RANBP2: variants seen among roughly 807,000 people sequenced by gnomAD.
RANBP2 encodes RAN binding protein 2.
Under a neutral mutation model 303.6 loss-of-function variants are expected in RANBP2, and 57 were observed. That is an observed-to-expected ratio of 0.19 (90% CI 0.15 to 0.23). The LOEUF (loss-of-function observed/expected upper bound fraction) is 0.23. Ranked by LOEUF, RANBP2 falls within the 10% of genes least tolerant of loss-of-function variation. The pLI is 1.00. For synonymous variants in RANBP2, 1,167 were observed against 1,301.5 expected (o/e 0.90, Z 2.23); for missense variants, 3,138 against 3,780.8 (o/e 0.83, Z 4.46).
chr2:109,170,644 C>A, the RANBP2 span, among the ~76,000 whole-genome samples: 1 of 152,194 alleles, frequency 6.6e-6, no homozygotes, highest in African/African-American at 2.4e-5. Context: ...GCCACTGTGC[C>A]TGGTCAAACA....
At chr2:109,422,673 T>C in the RANBP2 span, among the ~76,000 whole-genome samples, 3 of 152,152 alleles carry the variant, frequency 2.0e-5, no homozygotes, top group African/African-American at 7.2e-5. Flanking sequence ...AGCAGAAATA[T>C]GATTGTCTGC....
Position 108,772,879 on chromosome 2 carries a change from G to C in RANBP2, c.8125G>C (p.Glu2709Gln). ...LEENTADNEKECIIVWEKKPT... is the reference protein window; with the variant it reads ...LEENTADNEKQCIIVWEKKPT... ...TACTGATTTTTCAGATAATGAGAAA[G>C]AATGTATTATTGTTTGGGAAAAGAA... The change falls in exon 23 of 29, where the codon GAA becomes CAA. Residue 2709 changes from glutamate to glutamine, a missense_variant. Glu to Gln is a conservative substitution (Grantham distance 29, BLOSUM62 2). Coordinates refer to ENST00000283195, the MANE Select transcript of RANBP2 (RefSeq NM_006267.5). 6.2e-7 allele frequency: 1 copy of C among 1,613,780 alleles called. No homozygotes were observed. Among genetic ancestry groups the C allele is most frequent in the Non-Finnish European group, 8.5e-7 (1 of 1,179,858 alleles).
chr2:108,943,354 G>T, the RANBP2 span, among the ~76,000 whole-genome samples: 1 of 152,196 alleles, frequency 6.6e-6, no homozygotes. Flanking sequence ...GGGGATCAGA[G>T]TAAAACCTTT....
the RANBP2 span, among the ~76,000 whole-genome samples, chr2:109,455,276 T>A: frequency 6.6e-6 from 1 of 152,124 alleles, no homozygotes; most frequent in South Asian, 2.1e-4. Flanking sequence ...GAAAGGGCCC[T>A]AGGTGTCTGC....
At chr2:108,924,550 CTT>C in the RANBP2 span, among the ~76,000 whole-genome samples, 2 of 152,304 alleles carry the variant, frequency 1.3e-5, no homozygotes, top group South Asian at 2.1e-4. Flanking sequence ...TTTCTAATCT[CTT>C]TTTTATTAGC....
chr2:109,637,408 G>GTTTCCTCTTTT, the RANBP2 span, among the ~76,000 whole-genome samples: 1 of 152,128 alleles, frequency 6.6e-6, no homozygotes, highest in South Asian at 2.1e-4. Flanking sequence ...CCTCAGCACA[G>GTTTCCTCTTTT]ACCCTTTACG....
At chr2:108,986,172 T>TA in the RANBP2 span, among the ~76,000 whole-genome samples, 1 of 152,214 alleles carries the variant, frequency 6.6e-6, no homozygotes, top group African/African-American at 2.4e-5. Flanking sequence ...AGTTTTTTTT[T>TA]AGTTACTAGA....
At chr2:109,005,314 T>A in the RANBP2 span, among the ~76,000 whole-genome samples, 1 of 152,170 alleles carries the variant, frequency 6.6e-6, no homozygotes, top group Non-Finnish European at 1.5e-5. Context: ...CTATAATGCA[T>A]CTCCATGTTG....
chr2:109,449,942 A>G, the RANBP2 span, among the ~76,000 whole-genome samples: 3 of 152,192 alleles, frequency 2.0e-5, no homozygotes, highest in Non-Finnish European at 4.4e-5. Flanking sequence ...GTTCAACCAT[A>G]TGGGACAGGC....
At chr2:109,734,878 T>G in the RANBP2 span, among the ~76,000 whole-genome samples, 1 of 152,196 alleles carries the variant, frequency 6.6e-6, no homozygotes, top group Non-Finnish European at 1.5e-5. Flanking sequence ...TATTTTTAAT[T>G]GTCACATAAT....
At chr2:109,700,219 A>ATCATACTTGTG in the RANBP2 span, among the ~76,000 whole-genome samples, 1 of 152,230 alleles carries the variant, frequency 6.6e-6, no homozygotes, top group Non-Finnish European at 1.5e-5. Context: ...AAAAACATTA[A>ATCATACTTGTG]TGATCATACT....
the RANBP2 span, among the ~76,000 whole-genome samples, chr2:109,025,739 A>G: frequency 6.6e-6 from 1 of 151,374 alleles, no homozygotes; most frequent in African/African-American, 2.4e-5. Context: ...CAGAGCTTGC[A>G]GTGAGCCGAG....
chr2:109,309,694 G>A, the RANBP2 span, among the ~76,000 whole-genome samples: 2 of 125,246 alleles, frequency 1.6e-5, no homozygotes, highest in Non-Finnish European at 3.2e-5. Flanking sequence ...AAGGCAGGGA[G>A]TCTCTGATAA....
chr2:108,813,788 C>T, the RANBP2 span, among the ~76,000 whole-genome samples: 2 of 152,110 alleles, frequency 1.3e-5, no homozygotes, highest in East Asian at 3.9e-4. Context: ...ATACCCTTTC[C>T]TGGTCATTCT....
chr2:109,449,471 C>A, the RANBP2 span: 109 of 1,613,758 alleles, frequency 6.8e-5, no homozygotes, highest in African/African-American at 1.3e-3. Context: ...GCAAACTAGA[C>A]GAGAAGAAAA....
chr2:108,785,847 A>G (rs1573867053), downstream of RANBP2: 1 of 152,358 alleles, frequency 6.6e-6, no homozygotes, highest in Non-Finnish European at 1.5e-5. Context: ...AGTATGGCCT[A>G]AGTAATTTTC....
the RANBP2 span, among the ~76,000 whole-genome samples, chr2:108,913,680 C>T: frequency 6.6e-6 from 1 of 152,032 alleles, no homozygotes; most frequent in South Asian, 2.1e-4. Context: ...GCTATCTTTA[C>T]GTAGTATGGG....
the RANBP2 span, among the ~76,000 whole-genome samples, chr2:109,554,318 A>G: frequency 6.6e-6 from 1 of 152,162 alleles, no homozygotes; most frequent in Non-Finnish European, 1.5e-5. Context: ...TTCACACCGC[A>G]TTGCTTATTG....
the RANBP2 span, among the ~76,000 whole-genome samples, chr2:109,227,377 G>T: frequency 6.6e-6 from 1 of 152,150 alleles, no homozygotes; most frequent in Non-Finnish European, 1.5e-5. Flanking sequence ...GGTCCTTAGG[G>T]GTCCTGGTTC....
Sources: gnomAD v4.1 joint callset for allele counts (sites outside exome capture counted in the v4.1 genomes callset) on GRCh38, gnomAD v4.1.1 for gene constraint, MANE v1.5 for transcripts, NCBI Gene and HGNC (gene_info 2026-07-23, HGNC 2026-07-21) for gene names.